The following ZNF385D variants were observed in gnomAD, a reference collection of about 807,000 sequenced individuals.
ZNF385D encodes the protein zinc finger protein 659.
A neutral mutation model predicts 35.8 loss-of-function variants in ZNF385D; 15 were observed. That is an observed-to-expected ratio of 0.42 (90% CI 0.28 to 0.64). ZNF385D has a LOEUF of 0.64. Among genes scored for constraint, ZNF385D ranks in the 30% least tolerant of loss-of-function variants. The probability of loss-of-function intolerance (pLI) is 0.23; values close to 1 mark genes in which losing one functional copy is unlikely to be tolerated. For synonymous variants in ZNF385D, 212 were observed against 186.8 expected (o/e 1.13, Z -1.10); for missense variants, 474 against 494.6 (o/e 0.96, Z 0.39).
chr3:22,058,253 A>G (rs544938147), intron 3 of ZNF385D, among the ~76,000 whole-genome samples: 1 of 152,256 alleles, frequency 6.6e-6, no homozygotes, highest in Non-Finnish European at 1.5e-5. Context: ...TTCAAATGAT[A>G]GAGTCAACTC....
chr3:21,596,653 T>C (rs1158398053), intron 2 of ZNF385D, among the ~76,000 whole-genome samples: 1 of 151,862 alleles, frequency 6.6e-6, no homozygotes, highest in Admixed American at 6.6e-5. Context: ...TTTTTTTTTT[T>C]TTTTGGTACA....
intron 3 of ZNF385D, among the ~76,000 whole-genome samples, chr3:22,114,139 A>G (rs1302331665): frequency 6.6e-6 from 1 of 152,114 alleles, no homozygotes; most frequent in African/African-American, 2.4e-5. Context: ...ATGAAAACAC[A>G]AAACTTCATC....
chr3:22,201,132 T>G (rs1696770528), intron 2 of ZNF385D, among the ~76,000 whole-genome samples: 1 of 152,106 alleles, frequency 6.6e-6, no homozygotes, highest in Non-Finnish European at 1.5e-5. Context: ...CATGAAATCT[T>G]TACAATTCAT....
chr3:22,123,962 C>CTCTCTCTCTCTATATATATA (rs1491571691), intron 3 of ZNF385D, among the ~76,000 whole-genome samples: 2 of 61,838 alleles, frequency 3.2e-5, no homozygotes, highest in African/African-American at 1.2e-4. Context: ...CTCTCTCTCT[C>CTCTCTCTCTCTATATATATA]TATATATATA....
At chr3:21,579,631 AGT>A (rs1042412987) in intron 2 of ZNF385D, 4 of 152,124 alleles carry the variant, frequency 2.6e-5, no homozygotes, top group Non-Finnish European at 5.9e-5. Context: ...TTTCTAGGAC[AGT>A]TATAACAAAA....
intron 3 of ZNF385D, among the ~76,000 whole-genome samples, chr3:22,042,285 A>G (rs933412701): frequency 6.6e-6 from 1 of 152,136 alleles, no homozygotes; most frequent in African/African-American, 2.4e-5. Context: ...GTGGTATTAC[A>G]TTATTAATAC....
At chr3:21,555,482 T>G (rs2062703143) in intron 3 of ZNF385D, among the ~76,000 whole-genome samples, 1 of 152,174 alleles carries the variant, frequency 6.6e-6, no homozygotes, top group Non-Finnish European at 1.5e-5. Context: ...TCTGTTCTTC[T>G]GTTAGTTTGC....
chr3:22,156,048 G>C (rs1298860544), intron 3 of ZNF385D, among the ~76,000 whole-genome samples: 2 of 152,152 alleles, frequency 1.3e-5, no homozygotes, highest in Non-Finnish European at 2.9e-5. Flanking sequence ...TCCTAGAGTA[G>C]GGATCCTAAC....
At chr3:21,556,053 G>GTTTTTTTTT (rs1209768767) in intron 3 of ZNF385D, among the ~76,000 whole-genome samples, 1 of 110,786 alleles carries the variant, frequency 9.0e-6, no homozygotes, top group African/African-American at 3.4e-5. Flanking sequence ...ACTTTTTGAC[G>GTTTTTTTTT]TTTTTTTTGT....
At chr3:21,513,855 T>A (rs990235762) in intron 3 of ZNF385D, among the ~76,000 whole-genome samples, 1 of 152,196 alleles carries the variant, frequency 6.6e-6, no homozygotes, top group African/African-American at 2.4e-5. Context: ...TAACTCTAGA[T>A]CTACCTTGAT....
intron 3 of ZNF385D, among the ~76,000 whole-genome samples, chr3:21,526,486 T>C (rs1034426101): frequency 6.6e-6 from 1 of 152,194 alleles, no homozygotes; most frequent in Non-Finnish European, 1.5e-5. Context: ...TATATCTATA[T>C]ATACATTATT....
intron 2 of ZNF385D, among the ~76,000 whole-genome samples, chr3:21,598,230 G>A (rs1328857648): frequency 6.6e-6 from 1 of 152,052 alleles, no homozygotes; most frequent in Non-Finnish European, 1.5e-5. Context: ...ACATACATGG[G>A]TAAAATTATA....
intron 2 of ZNF385D, among the ~76,000 whole-genome samples, chr3:22,337,912 C>T (rs1386572786): frequency 1.3e-5 from 2 of 152,152 alleles, no homozygotes; most frequent in Non-Finnish European, 2.9e-5. Context: ...GAGTGGTGGA[C>T]CCTTTGACTT....
At chr3:21,531,319 G>C (rs1444669357) in intron 3 of ZNF385D, among the ~76,000 whole-genome samples, 1 of 152,154 alleles carries the variant, frequency 6.6e-6, no homozygotes, top group Admixed American at 6.6e-5. Flanking sequence ...AATGTAAAAT[G>C]CAACAGCCAC....
At chr3:22,318,104 A>G (rs908622839) in intron 2 of ZNF385D, among the ~76,000 whole-genome samples, 3 of 151,950 alleles carry the variant, frequency 2.0e-5, no homozygotes, top group Admixed American at 2.0e-4. Flanking sequence ...GTACATGGAG[A>G]GTGCTCAATG....
At chr3:21,802,627 T>C (rs1354009344) in intron 3 of ZNF385D, among the ~76,000 whole-genome samples, 3 of 152,158 alleles carry the variant, frequency 2.0e-5, no homozygotes, top group Admixed American at 2.0e-4. Flanking sequence ...ACAGGCCAAC[T>C]GTATAAGATG....
intron 2 of ZNF385D, among the ~76,000 whole-genome samples, chr3:22,296,696 T>C (rs1358618154): frequency 6.6e-6 from 1 of 152,136 alleles, no homozygotes; most frequent in African/African-American, 2.4e-5. Context: ...GAATTCCTTC[T>C]TGAAGAGAGC....
At chr3:21,424,845 C>T (rs1011510581) in intron 6 of ZNF385D, among the ~76,000 whole-genome samples, 1 of 151,894 alleles carries the variant, frequency 6.6e-6, no homozygotes, top group Non-Finnish European at 1.5e-5. Flanking sequence ...CCCTTAAATT[C>T]TAAAGATAAA....
chr3:21,448,728 A>G (rs1048873125), intron 4 of ZNF385D, among the ~76,000 whole-genome samples: 1 of 152,172 alleles, frequency 6.6e-6, no homozygotes, highest in Non-Finnish European at 1.5e-5. Flanking sequence ...CTAAGAAGCC[A>G]AGATTCCCTT....
Sources: gnomAD v4.1 joint callset for allele counts (sites outside exome capture counted in the v4.1 genomes callset) on GRCh38, gnomAD v4.1.1 for gene constraint, MANE v1.5 for transcripts, NCBI Gene and HGNC (gene_info 2026-07-23, HGNC 2026-07-21) for gene names.